LRBA: variants seen among roughly 807,000 people sequenced by gnomAD.
The protein encoded by LRBA is lipopolysaccharide-responsive and beige-like anchor protein.
A neutral mutation model predicts 330.0 loss-of-function variants in LRBA; 176 were observed. The ratio of observed to expected loss-of-function variants is 0.53; its 90% confidence interval spans 0.47 to 0.60. LRBA has a LOEUF of 0.60. LRBA is among the 20% of genes least tolerant of loss of function. The pLI, the probability that LRBA is intolerant of heterozygous loss-of-function variation, is 0.00. For synonymous variants in LRBA, 1,230 were observed against 1,193.0 expected, an observed-to-expected ratio of 1.03 and a Z score of -0.64; for missense variants, 3,259 against 3,444.8, an observed-to-expected ratio of 0.95 and a Z score of 1.35.
chr4:150,831,407 T>C (rs1312589918), intron 29 of LRBA, among the ~76,000 whole-genome samples: 1 of 152,156 alleles, frequency 6.6e-6, no homozygotes, highest in Non-Finnish European at 1.5e-5. Flanking sequence ...CTCCTTTGGG[T>C]GGTAGCTACT....
At chr4:150,600,185 T>C (rs535439461) in intron 37 of LRBA, among the ~76,000 whole-genome samples, 12 of 152,232 alleles carry the variant, frequency 7.9e-5, no homozygotes, top group African/African-American at 2.6e-4. Flanking sequence ...AATAAAGATA[T>C]ACAGCAGGAA....
intron 48 of LRBA, among the ~76,000 whole-genome samples, chr4:150,340,346 T>C (rs1381290004): frequency 6.6e-6 from 1 of 152,226 alleles, no homozygotes. Context: ...TACAGATTGC[T>C]ATAAAGATTC....
intron 56 of LRBA, among the ~76,000 whole-genome samples, chr4:150,269,081 T>A (rs1745735707): frequency 1.3e-5 from 2 of 152,100 alleles, no homozygotes; most frequent in African/African-American, 4.8e-5. Flanking sequence ...TTTTATACAC[T>A]AACAAACAAT....
chr4:150,325,701 A>G (rs977540371), intron 49 of LRBA, 108 bp downstream of exon 49: 1 of 748,454 alleles, frequency 1.3e-6, no homozygotes, highest in South Asian at 1.7e-5. Context: ...GCATAAAAAA[A>G]CAAACCCACA....
chr4:150,649,031 ACAATTTTGCTTCTGAT>A (rs987258371), intron 37 of LRBA, among the ~76,000 whole-genome samples: 15 of 152,252 alleles, frequency 9.9e-5, no homozygotes, highest in African/African-American at 3.6e-4. Flanking sequence ...CTTTTCTTAG[ACAATTTTGCTTCTGAT>A]CACCTTATAG....
intron 33 of LRBA, among the ~76,000 whole-genome samples, chr4:150,798,969 G>T (rs1413934144): frequency 1.3e-5 from 2 of 152,062 alleles, no homozygotes; most frequent in Non-Finnish European, 2.9e-5. Context: ...AATAATTCCT[G>T]ATGGCTCTTA....
chr4:150,445,388 TATATATATATATATATATATATAC>T (rs1752491819), intron 44 of LRBA, among the ~76,000 whole-genome samples: 1 of 87,976 alleles, frequency 1.1e-5, no homozygotes, highest in African/African-American at 5.0e-5. Context: ...TATATATATA[TATATATATATATATATATATATAC>T]ATATATACAC....
chr4:150,830,335 C>A (rs1022680206), intron 29 of LRBA, among the ~76,000 whole-genome samples: 18 of 152,234 alleles, frequency 1.2e-4, no homozygotes, highest in Admixed American at 8.5e-4. Flanking sequence ...TATTTCTGAT[C>A]TACCTTGCTG....
intron 36 of LRBA, among the ~76,000 whole-genome samples, chr4:150,716,192 T>C (rs1427577831): frequency 6.6e-6 from 1 of 152,190 alleles, no homozygotes; most frequent in Non-Finnish European, 1.5e-5. Flanking sequence ...CTCATGCCTG[T>C]AATCCCAGCA....
chr4:150,990,596 T>C (rs1029523536), intron 2 of LRBA, among the ~76,000 whole-genome samples: 13 of 150,202 alleles, frequency 8.7e-5, no homozygotes, highest in Admixed American at 7.3e-4. Context: ...ATTAGCCAGG[T>C]GTGGTGGCAT....
At chr4:150,781,610 A>G (rs558522764) in intron 34 of LRBA, among the ~76,000 whole-genome samples, 54 of 152,338 alleles carry the variant, frequency 3.5e-4, no homozygotes, top group Non-Finnish European at 6.5e-4. Context: ...GATCTACAAC[A>G]TAACTGAAAT....
intron 2 of LRBA, among the ~76,000 whole-genome samples, chr4:150,992,315 C>CAACCGTCTCA (rs1742181967): frequency 7.5e-6 from 1 of 133,334 alleles, no homozygotes; most frequent in South Asian, 2.4e-4. Flanking sequence ...GACTCCGTCT[C>CAACCGTCTCA]AAAAAAAAAA....
At chr4:150,743,879 A>G (rs1732341499) in intron 35 of LRBA, among the ~76,000 whole-genome samples, 1 of 152,226 alleles carries the variant, frequency 6.6e-6, no homozygotes, top group Non-Finnish European at 1.5e-5. Flanking sequence ...GAAAATCCTT[A>G]AAGAAAATAA....
chr4:150,709,274 A>T (rs1785948268), intron 36 of LRBA, among the ~76,000 whole-genome samples: 1 of 151,942 alleles, frequency 6.6e-6, no homozygotes, highest in Non-Finnish European at 1.5e-5. Flanking sequence ...ACCCTTAAAC[A>T]GCAGAGAAAA....
intron 2 of LRBA, among the ~76,000 whole-genome samples, chr4:150,990,374 A>C (rs1262952492): frequency 6.6e-6 from 1 of 152,178 alleles, no homozygotes; most frequent in African/African-American, 2.4e-5. Flanking sequence ...TAATCCTCAT[A>C]TTTGAAGTTC....
At chr4:150,562,496 C>T (rs1030045698) in intron 40 of LRBA, among the ~76,000 whole-genome samples, 1 of 152,048 alleles carries the variant, frequency 6.6e-6, no homozygotes. Flanking sequence ...CCTCCCACAC[C>T]CTGCTATGTA....
At chr4:150,900,298 T>C (rs1297398014) in intron 13 of LRBA, 81 bp from the exon 14 acceptor site, 1 of 945,128 alleles carries the variant, frequency 1.1e-6, no homozygotes, top group Non-Finnish European at 1.6e-6. Flanking sequence ...CTGTTTTATT[T>C]TCACCACGCT....
chr4:150,474,254 C>T (rs1159610653), intron 42 of LRBA, among the ~76,000 whole-genome samples: 3 of 152,100 alleles, frequency 2.0e-5, no homozygotes, highest in South Asian at 2.1e-4. Flanking sequence ...TGTGTTGGCA[C>T]CTTTGCTGCA....
chr4:150,587,930 A>C (rs1772321685), intron 40 of LRBA, 118 bp downstream of exon 40: 1 of 1,134,994 alleles, frequency 8.8e-7, no homozygotes, highest in African/African-American at 1.6e-5. Context: ...ATTGCATATA[A>C]GCCAAGGCAA....
Sources: allele counts gnomAD v4.1 joint callset (sites outside exome capture counted in the v4.1 genomes callset), GRCh38; gene constraint gnomAD v4.1.1; transcripts MANE v1.5; gene names NCBI Gene and HGNC (gene_info 2026-07-23, HGNC 2026-07-21).